NAT10: variants seen among roughly 807,000 people sequenced by gnomAD.
The protein encoded by NAT10 is RNA cytidine acetyltransferase.
A neutral mutation model predicts 132.2 loss-of-function variants in NAT10; 109 were observed. The ratio of observed to expected loss-of-function variants is 0.82; its 90% confidence interval spans 0.71 to 0.97. The LOEUF (loss-of-function observed/expected upper bound fraction) is 0.97, where lower values mean the gene tolerates loss of function less well. NAT10 is among the 50% of genes least tolerant of loss of function. NAT10 has a pLI of 0.00. For missense variants in NAT10, 1,184 were observed against 1,263.4 expected, an observed-to-expected ratio of 0.94 and a Z score of 0.95; for synonymous variants, 479 against 478.0, an observed-to-expected ratio of 1.00 and a Z score of -0.03.
At chr11:34,128,737 G>T (rs1028479191) in intron 12 of NAT10, among the ~76,000 whole-genome samples, 2 of 152,104 alleles carry the variant, frequency 1.3e-5, no homozygotes, top group African/African-American at 4.8e-5. Flanking sequence ...TAATTTAATG[G>T]TTTTTAGTAT....
intron 12 of NAT10, 108 bp downstream of exon 12, chr11:34,127,707 G>A: frequency 7.3e-7 from 1 of 1,369,726 alleles, no homozygotes; most frequent in Non-Finnish European, 9.9e-7. Flanking sequence ...GATTCTCAGA[G>A]TCTCTGAGTG....
At chr11:34,133,252 G>A (rs1471154614) in intron 16 of NAT10, 110 bp downstream of exon 16, 1 of 873,206 alleles carries the variant, frequency 1.1e-6, no homozygotes, top group East Asian at 2.5e-5. Flanking sequence ...TGGAGTCCTG[G>A]TCTGGAACCA....
At chr11:34,140,624 C>T in intron 24 of NAT10, 52 bp downstream of exon 24, 2 of 1,576,284 alleles carry the variant, frequency 1.3e-6, no homozygotes, top group Non-Finnish European at 1.7e-6. Context: ...TGGAGCTGTT[C>T]ATTTGCTGGG....
intron 11 of NAT10, among the ~76,000 whole-genome samples, chr11:34,125,685 G>A (rs1264407779): frequency 6.6e-6 from 1 of 152,272 alleles, no homozygotes; most frequent in Non-Finnish European, 1.5e-5. Context: ...AGGGTTGGCC[G>A]GGCATGGTGG....
rs117309081 is a variant in NAT10, at chr11:34,140,641, G to A, written c.2592+69G>A. 178 of 1,532,194 alleles carry A rather than the reference G, an allele frequency of 1.2e-4. No homozygotes were observed. The East Asian group carries it at 4.1e-3, about 35-fold the overall frequency. 94.9% of individuals were successfully genotyped at this position (1,532,194 alleles called of 1,614,324 possible). ...GAGCTGTTCATTTGCTGGGTGTTGG[G>A]TTGGGCACTTGGACATAATTGTGTG... is the stretch of plus-strand genomic sequence containing the variant. On this transcript the variant is annotated intron_variant, in intron 24 of 28. Transcript: ENST00000257829.
chr11:34,115,124 C>T (rs1290514241), intron 5 of NAT10, among the ~76,000 whole-genome samples: 20 of 152,192 alleles, frequency 1.3e-4, no homozygotes, highest in Non-Finnish European at 1.5e-5. Context: ...CCACTGCACT[C>T]CAGCCTGGGC....
chr11:34,110,187 C>G (rs1851668629), intron 3 of NAT10, among the ~76,000 whole-genome samples: 1 of 152,158 alleles, frequency 6.6e-6, no homozygotes, highest in Non-Finnish European at 1.5e-5. Context: ...TACTCTAAAC[C>G]TAGCTGGCTT....
At chr11:34,138,997 G>T in intron 21 of NAT10, 194 bp from the exon 22 acceptor site, 1 of 577,060 alleles carries the variant, frequency 1.7e-6, no homozygotes, top group Non-Finnish European at 3.1e-6. Flanking sequence ...TGCAGCTGTT[G>T]TGTGTGAACT....
chr11:34,106,328 C>T (rs376417579), intron 1 of NAT10, among the ~76,000 whole-genome samples: 38 of 152,236 alleles, frequency 2.5e-4, no homozygotes, highest in African/African-American at 8.4e-4. Context: ...TAATCATCTC[C>T]TTCAAGGCCT....
intron 12 of NAT10, 68 bp downstream of exon 12, chr11:34,127,667 G>T (rs1236015993): frequency 2.2e-5 from 34 of 1,538,802 alleles, no homozygotes; most frequent in Admixed American, 1.9e-4. Flanking sequence ...GCATGTAGTG[G>T]ATGTGGCCTG....
At position 34,128,122 on chromosome 11, in the gene NAT10, G is replaced by A. The variant is rs140892729; in HGVS notation, c.1244+523G>A. Reference sequence around the variant, plus strand: ...TGTAATCCCAGCACATTGGGAGGCCGAGGCAGGCGGATCACAAGGTCAGGA... The same window carrying A: ...TGTAATCCCAGCACATTGGGAGGCCAAGGCAGGCGGATCACAAGGTCAGGA... On this transcript the variant is annotated intron_variant, in intron 12 of 28. Transcript: ENST00000257829. Among the ~76,000 whole-genome samples the A allele has an allele frequency of 6.2e-3, 939 of 152,136 alleles. 12 individuals are homozygous for A. The highest frequency in any genetic ancestry group is 0.021 in the African/African-American group (885 of 41,498).
At position 34,142,325 on chromosome 11, in the gene NAT10, G is replaced by A; in HGVS notation, c.2862G>A (p.Lys954=). 2 of 1,614,158 alleles carry A rather than the reference G, an allele frequency of 1.2e-6. No individual in the cohort carries two copies. Among genetic ancestry groups the A allele is most frequent in the African/African-American group, 2.7e-5 (2 of 75,038 alleles). The change falls in exon 27 of 29, where the codon AAG becomes AAA. Residue 954 remains lysine, a synonymous_variant. Transcript: ENST00000257829. ...AGAAACACAAGAAGGAAGTAGGGAA[G>A]CTGAAGAGCATGGACCTCTCTGAGT... The part of the protein sequence containing the change: ...FQEKHKKEVG[K]LKSMDLSEYI...
At position 34,124,344 on chromosome 11, in the gene NAT10, T is replaced by G; in HGVS notation, c.1051T>G (p.Phe351Val). ...YEIIQSLNPE[F>V]NKAVIRVNVF... ...GATTATCCAGTCTCTAAATCCTGAA[T>G]TTAACAAAGCAGTGATCAGAGTGAA... The change falls in exon 11 of 29, where the codon TTT becomes GTT. Residue 351 changes from phenylalanine to valine, a missense_variant. By Grantham distance (50) the Phe-to-Val change is conservative (BLOSUM62 -1). Coordinates refer to ENST00000257829, the MANE Select transcript of NAT10 (RefSeq NM_024662.3). 2 of 1,614,070 alleles carry G rather than the reference T, an allele frequency of 1.2e-6. No individual in the cohort carries two copies. The highest frequency in any genetic ancestry group is 1.7e-6 in the Non-Finnish European group (2 of 1,179,964).
At chr11:34,125,641 G>A (rs1287400448) in intron 11 of NAT10, among the ~76,000 whole-genome samples, 1 of 152,198 alleles carries the variant, frequency 6.6e-6, no homozygotes, top group African/African-American at 2.4e-5. Context: ...CTGGGGCCCT[G>A]TTGAGGATGT....
chr11:34,134,257 CTG>C (rs1852164593), intron 16 of NAT10, 60 bp from the exon 17 acceptor site: 1 of 1,405,750 alleles, frequency 7.1e-7, no homozygotes. Context: ...AAGCTATATT[CTG>C]TGAGTGGGCT....
Position 34,113,787 on chromosome 11 carries a change from C to T in NAT10, c.444C>T (p.Val148=), listed in dbSNP as rs1402656912. 1 of 1,614,016 alleles carries T rather than the reference C, an allele frequency of 6.2e-7. No homozygotes were observed. The highest frequency in any genetic ancestry group is 8.5e-7 in the Non-Finnish European group (1 of 1,179,986). ...CAGTGGAAGGTGGTGGGCTAGTGGT[C>T]ATCCTCCTACGGACCATGAACTCAC... is the stretch of plus-strand genomic sequence containing the variant. ...VETVEGGGLV[V]ILLRTMNSLK... The change falls in exon 5 of 29, where the codon GTC becomes GTT. Residue 148 remains valine (V), a synonymous_variant. Transcript: ENST00000257829.
chr11:34,119,874 T>C (rs941723604), intron 8 of NAT10, among the ~76,000 whole-genome samples: 2 of 152,222 alleles, frequency 1.3e-5, no homozygotes, highest in Non-Finnish European at 2.9e-5. Context: ...TTAGGATACG[T>C]TTCCAGAAGA....
chr11:34,139,147 A>G, intron 21 of NAT10, 44 bp from the exon 22 acceptor site: 1 of 1,552,372 alleles, frequency 6.4e-7, no homozygotes, highest in Non-Finnish European at 8.9e-7. Flanking sequence ...GGTTATTCAA[A>G]AAAAGGGGGT....
At chr11:34,109,619 T>A (rs1381011698) in intron 3 of NAT10, among the ~76,000 whole-genome samples, 1 of 152,240 alleles carries the variant, frequency 6.6e-6, no homozygotes, top group Non-Finnish European at 1.5e-5. Flanking sequence ...TATTTGAAGC[T>A]GTGGTAGTCA....
Sources: allele counts gnomAD v4.1 joint callset (sites outside exome capture counted in the v4.1 genomes callset), GRCh38; gene constraint gnomAD v4.1.1; transcripts MANE v1.5; gene names NCBI Gene and HGNC (gene_info 2026-07-23, HGNC 2026-07-21).